Variants in UBR3 observed in about 807,000 individuals in gnomAD.
UBR3 encodes the protein ubiquitin protein ligase E3 component n-recognin 3, also known as E3 ubiquitin-protein ligase UBR3.
In UBR3, 85 loss-of-function variants were observed where a neutral mutation model predicts 243.2. The observed-to-expected ratio is 0.35, with a 90% CI of 0.29 to 0.42. The LOEUF is 0.42. UBR3 is among the 10% of genes least tolerant of loss of function. The pLI is 1.00. For synonymous variants in UBR3, 748 were observed against 799.8 expected (o/e 0.94, Z 1.09); for missense variants, 1,686 against 2,300.8 (o/e 0.73, Z 5.47).
chr2:169,897,486 AATAC>A (rs1574149395), intron 8 of UBR3, among the ~76,000 whole-genome samples: 1 of 151,910 alleles, frequency 6.6e-6, no homozygotes, highest in Non-Finnish European at 1.5e-5. Flanking sequence ...CACATATATA[AATAC>A]ATACATAATT....
At chr2:169,908,602 G>C (rs16857266) in intron 10 of UBR3, among the ~76,000 whole-genome samples, 8,721 of 152,166 alleles carry the variant, frequency 0.057, 462 homozygotes, top group African/African-American at 0.14. Flanking sequence ...TAAACACATC[G>C]ATTTACTTCA....
At chr2:169,942,687 A>T in intron 20 of UBR3, 53 bp downstream of exon 20, 1 of 1,428,414 alleles carries the variant, frequency 7.0e-7, no homozygotes. Context: ...TTTTCAAATA[A>T]TAATCCTAAA....
intron 20 of UBR3, among the ~76,000 whole-genome samples, 167 bp from the exon 21 acceptor site, chr2:169,946,121 A>G (rs142485526): frequency 6.6e-6 from 1 of 152,244 alleles, no homozygotes; most frequent in East Asian, 1.9e-4. Context: ...TTATATTCGT[A>G]TGAATTTTTT....
rs896206121 is a variant in UBR3 at position 169,914,051 on chromosome 2, C to T, written c.1780-9C>T. ...TCATAAATTTATTATATATAACTTA[C>T]TATTTTAGGAAACTCAAGAGTATAC... On this transcript the variant is annotated splice_polypyrimidine_tract_variant and intron_variant, in intron 10 of 38. Transcript: ENST00000272793. 1.4e-6 allele frequency: 2 copies of T among 1,379,408 alleles called. No individual in the cohort carries two copies. The highest frequency in any genetic ancestry group is 1.9e-6 in the Non-Finnish European group (2 of 1,043,098). 85.4% of individuals were successfully genotyped at this position (1,379,408 alleles called of 1,614,324 possible). A position where few individuals can be genotyped will look rare whatever the true frequency, so the allele number is the denominator to read the frequency against.
chr2:170,040,756 T>C, intron 31 of UBR3, 126 bp from the exon 32 acceptor site: 1 of 799,856 alleles, frequency 1.3e-6, no homozygotes, highest in Non-Finnish European at 1.9e-6. Flanking sequence ...TAAGGTTTTT[T>C]TTTACATTTC....
chr2:169,987,403 A>AAAAAACAAAAAAAAAAC (rs1559161286), intron 25 of UBR3, among the ~76,000 whole-genome samples: 1 of 150,490 alleles, frequency 6.6e-6, no homozygotes, highest in Non-Finnish European at 1.5e-5. Flanking sequence ...AAAAAAAAAA[A>AAAAAACAAAAAAAAAAC]AAAAACAAAA....
intron 33 of UBR3, 98 bp from the exon 34 acceptor site, chr2:170,060,981 T>C: frequency 2.5e-6 from 2 of 800,954 alleles, no homozygotes; most frequent in Non-Finnish European, 3.7e-6. Context: ...TGAAAAATAA[T>C]ATAATCACAG....
chr2:169,912,056 A>T (rs187136427), intron 10 of UBR3, among the ~76,000 whole-genome samples: 1 of 152,282 alleles, frequency 6.6e-6, no homozygotes, highest in East Asian at 1.9e-4. Context: ...GAGATGAGTA[A>T]GGTGAAGGAG....
intron 14 of UBR3, among the ~76,000 whole-genome samples, chr2:169,926,484 G>A (rs558335506): frequency 2.9e-4 from 44 of 152,218 alleles, no homozygotes; most frequent in African/African-American, 1.0e-3. Context: ...AGCTACTCGG[G>A]AGACTGGGGG....
At chr2:170,021,020 A>G (rs773443477) in intron 30 of UBR3, among the ~76,000 whole-genome samples, 23 of 152,146 alleles carry the variant, frequency 1.5e-4, no homozygotes, top group Non-Finnish European at 2.8e-4. Context: ...TGTTTGAGAT[A>G]GGTGAGGAGT....
At chr2:169,875,756 A>G in intron 2 of UBR3, 35 bp from the exon 3 acceptor site, 1 of 1,474,408 alleles carries the variant, frequency 6.8e-7, no homozygotes. Context: ...AAACAAAATT[A>G]CCCTTATTTG....
rs1280134221 is a variant in UBR3 at position 169,856,504 on chromosome 2, C to T, written c.546-15732C>T. On this transcript the variant is annotated intron_variant, in intron 1 of 38. Coordinates refer to ENST00000272793, the MANE Select transcript of UBR3 (RefSeq NM_172070.4). ...GGCGGCTGGGAGGTGGAGGTTGTAGCGAGCCGAGATCACGCCACTGCACTC... is the reference window on the plus strand; with the variant it reads ...GGCGGCTGGGAGGTGGAGGTTGTAGTGAGCCGAGATCACGCCACTGCACTC... 1.4e-4 allele frequency among the ~76,000 whole-genome samples: 22 copies of T among 152,234 alleles called. No homozygotes were observed. In the South Asian group the frequency reaches 3.5e-3, roughly 24 times the overall value.
intron 1 of UBR3, among the ~76,000 whole-genome samples, chr2:169,870,298 A>G (rs1009297364): frequency 3.3e-5 from 5 of 152,010 alleles, no homozygotes. Context: ...TTCATTTTAA[A>G]TTAAGTTTTT....
intron 32 of UBR3, among the ~76,000 whole-genome samples, chr2:170,042,718 C>T (rs1449531250): frequency 7.7e-6 from 1 of 130,602 alleles, no homozygotes; most frequent in Non-Finnish European, 1.7e-5. Context: ...AGTTTTTGAA[C>T]ACTTTTTTTT....
rs564914741 is a variant in UBR3, at chr2:170,017,380, CT to C, written c.4453+2020del. Among the ~76,000 whole-genome samples the C allele has an allele frequency of 3.8e-3, 577 of 152,046 alleles. 3 individuals are homozygous for C. The highest frequency in any genetic ancestry group is 6.6e-3 in the Admixed American group (101 of 15,236). On this transcript the variant is annotated intron_variant, in intron 30 of 38. Transcript: ENST00000272793. Reference sequence around the variant, plus strand: ...ACTGATTAAGCAAATGATAAGGGAACTTTTTTCATTCTAAGAATATCACACT... The same window carrying C: ...ACTGATTAAGCAAATGATAAGGGAACTTTTTCATTCTAAGAATATCACACT...
At chr2:169,972,812 T>C (rs2105377397) in intron 24 of UBR3, among the ~76,000 whole-genome samples, 1 of 152,000 alleles carries the variant, frequency 6.6e-6, no homozygotes, top group African/African-American at 2.4e-5. Context: ...AATATCATAC[T>C]GAATGAGCAA....
chr2:169,953,756 A>G (rs1012896279), intron 23 of UBR3, among the ~76,000 whole-genome samples: 4 of 152,230 alleles, frequency 2.6e-5, no homozygotes, highest in Non-Finnish European at 4.4e-5. Context: ...CTCTATGGAC[A>G]TATGTATTCT....
At chr2:170,056,003 C>CTTTTTTTTTTTTT (rs34415442) in intron 33 of UBR3, among the ~76,000 whole-genome samples, 3 of 88,914 alleles carry the variant, frequency 3.4e-5, no homozygotes, top group Non-Finnish European at 4.4e-5. Context: ...TCTTTTCTTT[C>CTTTTTTTTTTTTT]TTTTTTTTTT....
At chr2:169,962,229 T>C (rs1165556634) in intron 24 of UBR3, among the ~76,000 whole-genome samples, 1 of 152,104 alleles carries the variant, frequency 6.6e-6, no homozygotes, top group Non-Finnish European at 1.5e-5. Context: ...TTTAATTTTG[T>C]TATTTTTTTT....
Sources: allele counts gnomAD v4.1 joint callset (sites outside exome capture counted in the v4.1 genomes callset), GRCh38; gene constraint gnomAD v4.1.1; transcripts MANE v1.5; gene names NCBI Gene and HGNC (gene_info 2026-07-23, HGNC 2026-07-21).